The following NRP1 variants were observed in gnomAD, a reference collection of about 807,000 sequenced individuals.
The protein encoded by NRP1 is neuropilin 1.
NRP1 carries 35 observed loss-of-function variants against 106.7 expected under a neutral mutation model. The observed-to-expected ratio is 0.33, with a 90% CI of 0.25 to 0.43. NRP1 has a LOEUF of 0.43. Among genes scored for constraint, NRP1 ranks in the 20% least tolerant of loss-of-function variants. The pLI, the probability that NRP1 is intolerant of heterozygous loss-of-function variation, is 1.00. For synonymous variants in NRP1, 437 were observed against 417.9 expected (o/e 1.05, Z -0.56); for missense variants, 1,024 against 1,170.4 (o/e 0.87, Z 1.83).
At chr10:33,293,815 G>A (rs1231543849) in intron 2 of NRP1, among the ~76,000 whole-genome samples, 5 of 152,150 alleles carry the variant, frequency 3.3e-5, no homozygotes, top group Non-Finnish European at 7.3e-5. Context: ...GAAAGATGTG[G>A]CACTATTACC....
At chr10:33,252,758 G>C (rs184486132) in intron 6 of NRP1, among the ~76,000 whole-genome samples, 146 of 152,128 alleles carry the variant, frequency 9.6e-4, no homozygotes, top group African/African-American at 3.4e-3. Context: ...TTTCATTTCT[G>C]TCTTAATCTA....
At chr10:33,227,086 C>T (rs10763918) in intron 6 of NRP1, among the ~76,000 whole-genome samples, 56,604 of 151,992 alleles carry the variant, frequency 0.37, 10,667 homozygotes, top group East Asian at 0.64. Context: ...AAGTTGGTTC[C>T]CATTGTTAGG....
intron 6 of NRP1, among the ~76,000 whole-genome samples, chr10:33,247,622 T>C (rs2133120774): frequency 6.6e-6 from 1 of 152,340 alleles, no homozygotes; most frequent in African/African-American, 2.4e-5. Context: ...ATAGCTGGCA[T>C]GAGAGTATCT....
chr10:33,245,915 T>C (rs1284217519), intron 6 of NRP1, among the ~76,000 whole-genome samples: 3 of 152,178 alleles, frequency 2.0e-5, no homozygotes, highest in South Asian at 4.1e-4. Flanking sequence ...GGTAATTTAT[T>C]TGTAAGCGTA....
At chr10:33,232,803 C>T (rs545387924) in intron 6 of NRP1, among the ~76,000 whole-genome samples, 2 of 151,844 alleles carry the variant, frequency 1.3e-5, no homozygotes, top group African/African-American at 4.8e-5. Context: ...CTCTCACGCC[C>T]AGCTAATTTT....
At chr10:33,216,847 A>G (rs1838819350) in intron 8 of NRP1, among the ~76,000 whole-genome samples, 1 of 152,070 alleles carries the variant, frequency 6.6e-6, no homozygotes, top group Admixed American at 6.6e-5. Flanking sequence ...TCTGTTTTAT[A>G]TGACTCTTCA....
At chr10:33,212,355 G>A (rs1411175783) in intron 9 of NRP1, 6 of 152,186 alleles carry the variant, frequency 3.9e-5, no homozygotes, top group Non-Finnish European at 8.8e-5. Context: ...TTCGAAGGAT[G>A]GAAATTCTGA....
chr10:33,221,722 T>A lies in NRP1; in HGVS notation c.1279A>T (p.Thr427Ser). ...MRFEVYGCKI[T>S]DYPCSGMLGM... is the part of the protein sequence containing the mutation. ...TCTTCAATCTTCCACAGCTTACCTG[T>A]TATCTTGCAACCGTATACTTCAAAT... Residue 427 changes from threonine to serine, a missense_variant, in exon 8 of 17, where the codon ACA (threonine) becomes TCA (serine). Thr to Ser is a moderately conservative substitution (Grantham distance 58). Transcript: ENST00000374867. 1 of 1,613,498 alleles carries A rather than the reference T, an allele frequency of 6.2e-7. No homozygotes were observed. The highest frequency in any genetic ancestry group is 8.5e-7 in the Non-Finnish European group (1 of 1,179,436).
chr10:33,201,027 C>T (rs567407391), intron 11 of NRP1: 1 of 152,002 alleles, frequency 6.6e-6, no homozygotes, highest in South Asian at 2.1e-4. Context: ...CTTTTTTTCA[C>T]CATGCTAATA....
intron 2 of NRP1, among the ~76,000 whole-genome samples, chr10:33,272,748 T>C (rs1843398129): frequency 6.6e-6 from 1 of 152,144 alleles, no homozygotes; most frequent in Non-Finnish European, 1.5e-5. Flanking sequence ...TTAACTGTGA[T>C]TTGAACTGTT....
At chr10:33,308,070 A>T (rs557685450) in intron 2 of NRP1, among the ~76,000 whole-genome samples, 1 of 152,332 alleles carries the variant, frequency 6.6e-6, no homozygotes, top group East Asian at 1.9e-4. Context: ...TTTCAGGAAC[A>T]TGGACGCAGC....
At chr10:33,303,406 A>G (rs1845939119) in intron 2 of NRP1, among the ~76,000 whole-genome samples, 1 of 152,230 alleles carries the variant, frequency 6.6e-6, no homozygotes, top group African/African-American at 2.4e-5. Context: ...CATTATTTGG[A>G]TAAACTTCAT....
At chr10:33,203,437 G>A (rs1837500383) in intron 10 of NRP1, among the ~76,000 whole-genome samples, 1 of 152,008 alleles carries the variant, frequency 6.6e-6, no homozygotes, top group African/African-American at 2.4e-5. Context: ...TGTTTGCTAA[G>A]TTTATATTAT....
At chr10:33,191,973 A>G (rs11009275) in intron 13 of NRP1, among the ~76,000 whole-genome samples, 1 of 112,470 alleles carries the variant, frequency 8.9e-6, no homozygotes. Flanking sequence ...GTGAGACTCC[A>G]TTTCAAAAAA....
At chr10:33,324,395 A>G (rs1053119003) in intron 2 of NRP1, among the ~76,000 whole-genome samples, 2 of 152,184 alleles carry the variant, frequency 1.3e-5, no homozygotes, top group Admixed American at 6.5e-5. Flanking sequence ...ACCAGAAATA[A>G]AAAGATGAAG....
intron 6 of NRP1, among the ~76,000 whole-genome samples, chr10:33,250,165 T>A (rs1036896407): frequency 1.1e-4 from 16 of 152,364 alleles, no homozygotes; most frequent in Non-Finnish European, 2.4e-4. Flanking sequence ...TTCTTGTGAT[T>A]AGAGGTACGT....
At chr10:33,291,972 C>T (rs1012660798) in intron 2 of NRP1, among the ~76,000 whole-genome samples, 1 of 152,216 alleles carries the variant, frequency 6.6e-6, no homozygotes, top group South Asian at 2.1e-4. Context: ...GGTGCAATCT[C>T]GGCTCACTGT....
intron 2 of NRP1, among the ~76,000 whole-genome samples, chr10:33,299,222 A>G (rs1407098196): frequency 6.6e-6 from 1 of 152,120 alleles, no homozygotes; most frequent in Non-Finnish European, 1.5e-5. Context: ...CACCCTACAA[A>G]GCAGTCCCTG....
intron 6 of NRP1, among the ~76,000 whole-genome samples, chr10:33,241,860 G>T (rs1841051371): frequency 6.6e-6 from 1 of 152,020 alleles, no homozygotes; most frequent in Non-Finnish European, 1.5e-5. Flanking sequence ...ATACATTCCA[G>T]TATTGAAAAA....
Sources: gnomAD v4.1 joint callset for allele counts (sites outside exome capture counted in the v4.1 genomes callset) on GRCh38, gnomAD v4.1.1 for gene constraint, MANE v1.5 for transcripts, NCBI Gene and HGNC (gene_info 2026-07-23, HGNC 2026-07-21) for gene names.